EPM2A: variants seen among roughly 807,000 people sequenced by gnomAD.
EPM2A encodes the protein EPM2A glucan phosphatase, laforin, also known as laforin.
EPM2A carries 21 observed loss-of-function variants against 26.5 expected under a neutral mutation model. That is an observed-to-expected ratio of 0.79 (90% CI 0.56 to 1.14). EPM2A has a LOEUF of 1.14. Ranked by LOEUF, EPM2A falls within the 50% of genes most tolerant of loss-of-function variation. The probability of loss-of-function intolerance (pLI) is 0.00; values close to 1 mark genes in which losing one functional copy is unlikely to be tolerated. For synonymous variants in EPM2A, 217 were observed against 177.6 expected, an observed-to-expected ratio of 1.22 and a Z score of -1.76; for missense variants, 458 against 440.8, an observed-to-expected ratio of 1.04 and a Z score of -0.35.
chr6:145,658,838 CT>C lies in EPM2A; in HGVS notation c.477-23353del, dbSNP rs546787131. Among the ~76,000 whole-genome samples, 7 of 152,040 alleles carry C rather than the reference CT, an allele frequency of 4.6e-5. 1 individual carries two copies. The East Asian group carries it at 5.8e-4, about 13-fold the overall frequency. ...TCAGTGGATTAGCTGCCTTTCTATA[CT>C]TTTTTTTCCTATTGTGAAATCTCCA... On this transcript the variant is annotated intron_variant, in intron 2 of 3. Transcript: ENST00000367519.
chr6:145,534,508 A>T (rs1780404549), intron 2 of EPM2A, among the ~76,000 whole-genome samples: 1 of 152,212 alleles, frequency 6.6e-6, no homozygotes, highest in African/African-American at 2.4e-5. Flanking sequence ...ATTCAAAGTA[A>T]ATCAGGAACA....
chr6:145,735,200 TC>T lies in EPM2A; in HGVS notation c.298del (p.Glu100LysfsTer27). ...GGGCAGGCGTCTGCTGGCAATACCT[TC>T]CCAGGAGAGCTCTCCTCCCGGCTCC... Reference protein sequence around the residue: ...KREPGGELSWEGNGPHHDRCC... With the variant: ...KREPGGELSWXGNGPHHDRCC... On this transcript the variant is annotated frameshift_variant, in exon 1 of 4. Transcript: ENST00000367519. LOFTEE classifies it high-confidence loss of function. 1 of 1,517,820 alleles carries T rather than the reference TC, an allele frequency of 6.6e-7. No individual in the cohort carries two copies. The highest frequency in any genetic ancestry group is 8.9e-7 in the Non-Finnish European group (1 of 1,129,482). 94.0% of individuals were successfully genotyped at this position (1,517,820 alleles called of 1,614,324 possible).
At chr6:145,468,808 G>A (rs1022865068) in intron 4 of EPM2A, among the ~76,000 whole-genome samples, 1 of 152,030 alleles carries the variant, frequency 6.6e-6, no homozygotes, top group African/African-American at 2.4e-5. Context: ...AGTTAAAAAA[G>A]CTTCTGCACT....
At chr6:145,654,259 C>T (rs1327516900) in intron 2 of EPM2A, among the ~76,000 whole-genome samples, 4 of 151,952 alleles carry the variant, frequency 2.6e-5, no homozygotes, top group African/African-American at 4.8e-5. Flanking sequence ...CTTGGCTCAC[C>T]GCAACCTCTG....
chr6:145,688,752 T>G (rs1022942760), intron 1 of EPM2A, among the ~76,000 whole-genome samples: 2 of 152,076 alleles, frequency 1.3e-5, no homozygotes, highest in African/African-American at 2.4e-5. Context: ...GAGAGAAGGA[T>G]AAACTTACAA....
Position 145,626,099 on chromosome 6 carries a change from C to A in EPM2A, c.*1317G>T. On this transcript the variant is annotated 3_prime_UTR_variant, in exon 4 of 4. Transcript: ENST00000367519. ...TTAAACTGGATATGATTATATATCA[C>A]CTTGCACATAGAGGCTCTCAATTAA... is the stretch of plus-strand genomic sequence containing the variant. 9.4e-7 allele frequency: 1 copy of A among 1,064,848 alleles called. No homozygotes were observed. The highest frequency in any genetic ancestry group is 1.1e-6 in the Non-Finnish European group (1 of 878,308). 66.0% of individuals were successfully genotyped at this position (1,064,848 alleles called of 1,614,324 possible).
intron 2 of EPM2A, among the ~76,000 whole-genome samples, chr6:145,568,788 G>A (rs1044970439): frequency 6.6e-6 from 1 of 152,126 alleles, no homozygotes; most frequent in African/African-American, 2.4e-5. Flanking sequence ...TAGTACCTGT[G>A]GTGTCAGCAG....
intron 4 of EPM2A, among the ~76,000 whole-genome samples, chr6:145,456,883 A>G (rs924411390): frequency 1.3e-5 from 2 of 152,174 alleles, no homozygotes; most frequent in Non-Finnish European, 2.9e-5. Context: ...TTTTCAATGT[A>G]TATATTTTAG....
intron 4 of EPM2A, among the ~76,000 whole-genome samples, chr6:145,469,672 T>C (rs1779447992): frequency 6.6e-6 from 1 of 152,150 alleles, no homozygotes; most frequent in South Asian, 2.1e-4. Context: ...CTCCTATGTA[T>C]ATACCCAAAA....
At chr6:145,522,930 C>T (rs1180388665) in intron 2 of EPM2A, among the ~76,000 whole-genome samples, 1 of 152,164 alleles carries the variant, frequency 6.6e-6, no homozygotes, top group Non-Finnish European at 1.5e-5. Context: ...CCTCCTTCAT[C>T]TGGCTAACAA....
intron 4 of EPM2A, among the ~76,000 whole-genome samples, chr6:145,448,384 G>A (rs2114706662): frequency 6.6e-6 from 1 of 151,604 alleles, no homozygotes; most frequent in African/African-American, 2.4e-5. Flanking sequence ...AGAGAATTTA[G>A]GGAACCATTG....
At chr6:145,621,445 A>G (rs1357895337), downstream of EPM2A, among the ~76,000 whole-genome samples, 1 of 152,186 alleles carries the variant, frequency 6.6e-6, no homozygotes, top group Non-Finnish European at 1.5e-5. Context: ...TTTACTTTGG[A>G]TATATACCCA....
At chr6:145,589,742 T>C (rs1172769598) in intron 2 of EPM2A, among the ~76,000 whole-genome samples, 2 of 152,016 alleles carry the variant, frequency 1.3e-5, no homozygotes, top group Admixed American at 1.3e-4. Flanking sequence ...AGCCACTGCA[T>C]GCAAACCATC....
intron 4 of EPM2A, among the ~76,000 whole-genome samples, chr6:145,464,174 G>A (rs2114719062): frequency 1.3e-5 from 2 of 152,140 alleles, no homozygotes; most frequent in South Asian, 4.1e-4. Context: ...GTGATATTGA[G>A]TTCTCATGAG....
At chr6:145,596,434 A>G (rs1781344104) in intron 2 of EPM2A, among the ~76,000 whole-genome samples, 1 of 152,138 alleles carries the variant, frequency 6.6e-6, no homozygotes, top group Admixed American at 6.5e-5. Context: ...TGTTAGATGA[A>G]AATCTCTTAT....
intron 2 of EPM2A, among the ~76,000 whole-genome samples, chr6:145,675,849 C>T (rs1002044110): frequency 2.0e-5 from 3 of 152,108 alleles, no homozygotes; most frequent in Non-Finnish European, 2.9e-5. Flanking sequence ...TTTAACACCC[C>T]ACTGTCAATA....
chr6:145,439,610 T>C (rs1377738300), intron 4 of EPM2A, among the ~76,000 whole-genome samples: 1 of 152,202 alleles, frequency 6.6e-6, no homozygotes, highest in East Asian at 1.9e-4. Flanking sequence ...CGCATGTGGG[T>C]CTTACTTTGA....
intron 2 of EPM2A, among the ~76,000 whole-genome samples, chr6:145,564,277 T>A (rs1359729937): frequency 6.6e-6 from 1 of 152,250 alleles, no homozygotes; most frequent in Non-Finnish European, 1.5e-5. Flanking sequence ...TTCATATATA[T>A]ACACATGCAT....
chr6:145,485,805 C>T (rs1376805510), intron 4 of EPM2A, among the ~76,000 whole-genome samples: 2 of 152,134 alleles, frequency 1.3e-5, no homozygotes, highest in Non-Finnish European at 2.9e-5. Flanking sequence ...GGAAGCCTCG[C>T]AATCATGATG....
Sources: allele counts gnomAD v4.1 joint callset (sites outside exome capture counted in the v4.1 genomes callset), GRCh38; gene constraint gnomAD v4.1.1; transcripts MANE v1.5; gene names NCBI Gene and HGNC (gene_info 2026-07-23, HGNC 2026-07-21).